The following SLC24A3 variants were observed in gnomAD, a reference collection of about 807,000 sequenced individuals.
SLC24A3 encodes the protein solute carrier family 24 member 3.
SLC24A3 carries 28 observed loss-of-function variants against 75.8 expected under a neutral mutation model. The ratio of observed to expected loss-of-function variants is 0.37; its 90% CI spans 0.27 to 0.51. The LOEUF is 0.51. SLC24A3 is among the 20% of genes least tolerant of loss of function. The probability of loss-of-function intolerance (pLI) is 0.94; values close to 1 mark genes in which losing one functional copy is unlikely to be tolerated. For missense variants in SLC24A3, 663 were observed against 847.8 expected (o/e 0.78, Z 2.71); for synonymous variants, 372 against 334.1 (o/e 1.11, Z -1.24).
At chr20:19,237,757 A>T (rs1183725425) in intron 1 of SLC24A3, among the ~76,000 whole-genome samples, 1 of 152,184 alleles carries the variant, frequency 6.6e-6, no homozygotes, top group Non-Finnish European at 1.5e-5. Flanking sequence ...AGAGATATGC[A>T]GCTCTCATGA....
chr20:19,507,297 T>C (rs1389808428), intron 2 of SLC24A3, among the ~76,000 whole-genome samples: 2 of 152,108 alleles, frequency 1.3e-5, no homozygotes, highest in African/African-American at 2.4e-5. Flanking sequence ...CAACCAAAAA[T>C]TGCTGCAAGG....
At chr20:19,473,410 A>G (rs73903113) in intron 2 of SLC24A3, among the ~76,000 whole-genome samples, 6,818 of 152,346 alleles carry the variant, frequency 0.045, 481 homozygotes, top group African/African-American at 0.15. Flanking sequence ...AGGAGAGATA[A>G]TAACAATGAT....
intron 2 of SLC24A3, among the ~76,000 whole-genome samples, chr20:19,345,764 C>A (rs1207831135): frequency 1.3e-5 from 2 of 151,748 alleles, no homozygotes; most frequent in Non-Finnish European, 2.9e-5. Context: ...GCAGGAATGA[C>A]CATAATCAAG....
intron 3 of SLC24A3, among the ~76,000 whole-genome samples, chr20:19,550,191 T>C (rs4239730): frequency 0.88 from 134,442 of 152,218 alleles, 59,527 homozygotes; most frequent in Middle Eastern, 0.95. Flanking sequence ...GTATGCTGTT[T>C]TAGAGGCAGC....
intron 2 of SLC24A3, among the ~76,000 whole-genome samples, chr20:19,450,442 G>A (rs920963483): frequency 2.6e-5 from 4 of 152,148 alleles, no homozygotes; most frequent in African/African-American, 7.2e-5. Flanking sequence ...GGTGGCAGAG[G>A]GGAGGGAGGT....
chr20:19,235,962 A>G (rs1400277668), intron 1 of SLC24A3, among the ~76,000 whole-genome samples: 2 of 152,200 alleles, frequency 1.3e-5, no homozygotes, highest in Non-Finnish European at 2.9e-5. Context: ...CCCAATAAAG[A>G]AATAGTTTCA....
chr20:19,498,581 C>T (rs560844252), intron 2 of SLC24A3, among the ~76,000 whole-genome samples: 165 of 152,316 alleles, frequency 1.1e-3, no homozygotes, highest in Non-Finnish European at 1.9e-3. Flanking sequence ...CCTTCCTGAC[C>T]TCACTTCCCA....
chr20:19,321,262 G>A (rs1984700817), intron 2 of SLC24A3, among the ~76,000 whole-genome samples: 2 of 152,102 alleles, frequency 1.3e-5, no homozygotes, highest in South Asian at 4.1e-4. Flanking sequence ...TCAAGACATT[G>A]GAGCAGTAAC....
At position 19,281,060 on chromosome 20, in the gene SLC24A3, C is replaced by T. The variant is rs150292821; in HGVS notation, c.244C>T (p.Arg82Trp). 1.1e-4 allele frequency: 171 copies of T among 1,614,130 alleles called. No homozygotes were observed. Among genetic ancestry groups the T allele is most frequent in the South Asian group, 7.6e-4 (69 of 91,058 alleles). The change falls in exon 2 of 17, where the codon CGG becomes TGG. Residue 82 changes from arginine to tryptophan, a missense_variant. This residue lies in a region of SLC24A3 where 153 missense variants were observed against 144.2 expected (regional missense o/e 1.06). Transcript: ENST00000328041. ...DTLTSEDAGL[R>W]NSKNCTEPAL... Reference sequence around the variant, plus strand: ...TCTGACTTCCGAAGATGCCGGACTCCGGAACAGCAAGAACTGCACCGAACC... The same window carrying T: ...TCTGACTTCCGAAGATGCCGGACTCTGGAACAGCAAGAACTGCACCGAACC...
rs535882598 is a variant in SLC24A3 at position 19,291,106 on chromosome 20, C to G, written c.271+10019C>G. ...TCAGCACTTGCCACTCCCACCCACT[C>G]AGAAGCCAGGGCTGGCCGAGGTAAC... On this transcript the variant is annotated intron_variant, in intron 2 of 16. Coordinates refer to ENST00000328041, the MANE Select transcript of SLC24A3 (RefSeq NM_020689.4). Among the ~76,000 whole-genome samples, 483 of 152,086 alleles carry G rather than the reference C, an allele frequency of 3.2e-3. 4 individuals are homozygous for G. Among genetic ancestry groups the G allele is most frequent in the Non-Finnish European group, 4.6e-3 (314 of 68,032 alleles).
chr20:19,360,102 A>G (rs1173962305), intron 2 of SLC24A3, among the ~76,000 whole-genome samples: 1 of 152,208 alleles, frequency 6.6e-6, no homozygotes, highest in African/African-American at 2.4e-5. Context: ...GACCTCCAAC[A>G]GTGCTAACAC....
intron 6 of SLC24A3, among the ~76,000 whole-genome samples, chr20:19,642,814 C>T (rs941030624): frequency 2.9e-4 from 44 of 152,288 alleles, no homozygotes; most frequent in African/African-American, 1.0e-3. Context: ...TTATTGGCTG[C>T]CTTAGTCACC....
chr20:19,431,389 C>T (rs1302673095), intron 2 of SLC24A3, among the ~76,000 whole-genome samples: 2 of 152,202 alleles, frequency 1.3e-5, no homozygotes, highest in African/African-American at 2.4e-5. Context: ...AAAGCATCCA[C>T]GTGTGGATGG....
At chr20:19,393,048 G>A (rs1375505651) in intron 2 of SLC24A3, among the ~76,000 whole-genome samples, 1 of 152,112 alleles carries the variant, frequency 6.6e-6, no homozygotes, top group Non-Finnish European at 1.5e-5. Flanking sequence ...ATTTTTCAGT[G>A]AAGTAGTTCA....
intron 2 of SLC24A3, among the ~76,000 whole-genome samples, chr20:19,311,540 C>T (rs1301320929): frequency 1.3e-5 from 2 of 152,108 alleles, no homozygotes; most frequent in Non-Finnish European, 2.9e-5. Flanking sequence ...TACAGGTGTG[C>T]ACGTTGGCCC....
chr20:19,585,076 C>A lies in SLC24A3; in HGVS notation c.508+21C>A, dbSNP rs373675792. On this transcript the variant is annotated intron_variant, in intron 5 of 16. Transcript: ENST00000328041. Reference sequence around the variant, plus strand: ...CATAGGTAGGTGACAGACTGAGGGACATCTCAGACCTTCACTGTCTGAAGG... The same window carrying A: ...CATAGGTAGGTGACAGACTGAGGGAAATCTCAGACCTTCACTGTCTGAAGG... 39 of 1,591,996 alleles carry A rather than the reference C, an allele frequency of 2.4e-5. No homozygotes were observed. The African/African-American group carries it at 4.0e-4, about 16-fold the overall frequency.
chr20:19,502,308 CG>C (rs1988396106), intron 2 of SLC24A3, among the ~76,000 whole-genome samples: 1 of 152,126 alleles, frequency 6.6e-6, no homozygotes, highest in East Asian at 1.9e-4. Context: ...CCCTCAGGTC[CG>C]TGACTGACTG....
intron 2 of SLC24A3, among the ~76,000 whole-genome samples, chr20:19,303,859 G>A (rs552495153): frequency 3.5e-4 from 53 of 152,292 alleles, no homozygotes; most frequent in Middle Eastern, 3.4e-3. Flanking sequence ...CATGAACAGC[G>A]TTGTTGCCAA....
chr20:19,370,939 T>A (rs894935831), intron 2 of SLC24A3, among the ~76,000 whole-genome samples: 2 of 152,112 alleles, frequency 1.3e-5, no homozygotes, highest in African/African-American at 4.8e-5. Flanking sequence ...AATATTTTGA[T>A]CCTCATTGGA....
Sources: gnomAD v4.1 joint callset for allele counts (sites outside exome capture counted in the v4.1 genomes callset) on GRCh38, gnomAD v4.1.1 for gene constraint, gnomAD v4.1.1 regional missense constraint, MANE v1.5 for transcripts, NCBI Gene and HGNC (gene_info 2026-07-23, HGNC 2026-07-21) for gene names.